Variants in SLC24A2 observed in about 807,000 individuals in gnomAD.
The protein encoded by SLC24A2 is sodium/potassium/calcium exchanger 2.
Under a neutral mutation model 62.0 loss-of-function variants are expected in SLC24A2, and 36 were observed. The ratio of observed to expected loss-of-function variants is 0.58; its 90% CI spans 0.44 to 0.77. The LOEUF (loss-of-function observed/expected upper bound fraction) is 0.77. Among genes scored for constraint, SLC24A2 ranks in the 30% least tolerant of loss-of-function variants. The probability of loss-of-function intolerance (pLI) is 0.00; values close to 1 mark genes in which losing one functional copy is unlikely to be tolerated. For synonymous variants in SLC24A2, 358 were observed against 294.0 expected (o/e 1.22, Z -2.23); for missense variants, 846 against 817.9 (o/e 1.03, Z -0.42).
In SLC24A2 at chr9:19,731,521, G is replaced by C. The variant is rs1392214803; in HGVS notation, c.930+54416C>G. ...TTTCTCTCTCTCTCTCTCTCCGTGT[G>C]TGTGTGTGTGTGTGTGTGTGTGCAT... On this transcript the variant is annotated intron_variant, in intron 2 of 10. Transcript: ENST00000341998. 6.4e-5 allele frequency among the ~76,000 whole-genome samples: 7 copies of C among 108,902 alleles called. No homozygotes were observed. In the East Asian group the frequency reaches 2.6e-3, roughly 41 times the overall value. The allele number at this position is 108,902 out of a possible 152,430, so 71.4% of individuals were successfully genotyped here.
Position 19,605,799 on chromosome 9 carries a change from C to T in SLC24A2, c.1079-8520G>A, listed in dbSNP as rs148031721. Among the ~76,000 whole-genome samples the T allele has an allele frequency of 1.8e-4, 28 of 152,324 alleles. No individual in the cohort carries two copies. The East Asian group carries it at 1.9e-3, about 10-fold the overall frequency. On this transcript the variant is annotated intron_variant, in intron 4 of 10. Coordinates refer to ENST00000341998, the MANE Select transcript of SLC24A2 (RefSeq NM_020344.4). ...TCCATTGAATACACTTAACAGCCCA[C>T]GACAGATACCATTATCTTTCCTATT... is the stretch of plus-strand genomic sequence containing the variant.
chr9:19,571,173 A>G (rs1221589051), intron 7 of SLC24A2, among the ~76,000 whole-genome samples: 1 of 152,158 alleles, frequency 6.6e-6, no homozygotes, highest in African/African-American at 2.4e-5. Flanking sequence ...TCCTGCTGCC[A>G]CACGCTGCTT....
At chr9:20,263,543 TC>T in the SLC24A2 span, among the ~76,000 whole-genome samples, 3 of 152,140 alleles carry the variant, frequency 2.0e-5, no homozygotes, top group South Asian at 6.2e-4. Context: ...AACCACTGCA[TC>T]CATCAGAGAA....
the SLC24A2 span, among the ~76,000 whole-genome samples, chr9:19,897,397 T>C: frequency 6.6e-6 from 1 of 152,146 alleles, no homozygotes; most frequent in African/African-American, 2.4e-5. Context: ...CTTTTAGACA[T>C]GTACTAAAAG....
chr9:19,712,163 C>A (rs1047288577), intron 2 of SLC24A2, among the ~76,000 whole-genome samples: 1 of 152,170 alleles, frequency 6.6e-6, no homozygotes, highest in East Asian at 1.9e-4. Flanking sequence ...TGAGGTCAGT[C>A]AGTTCCACGT....
chr9:19,715,511 C>T (rs924445029), intron 2 of SLC24A2, among the ~76,000 whole-genome samples: 30 of 152,328 alleles, frequency 2.0e-4, no homozygotes, highest in African/African-American at 6.7e-4. Flanking sequence ...TTGGAATCAA[C>T]ATTATGGCTC....
At chr9:20,264,250 A>G in the SLC24A2 span, among the ~76,000 whole-genome samples, 1 of 152,208 alleles carries the variant, frequency 6.6e-6, no homozygotes, top group South Asian at 2.1e-4. Flanking sequence ...AGGTTAGCAT[A>G]AGTATCTACT....
chr9:20,267,238 T>C, the SLC24A2 span, among the ~76,000 whole-genome samples: 1 of 152,148 alleles, frequency 6.6e-6, no homozygotes, highest in Non-Finnish European at 1.5e-5. Flanking sequence ...CACAAAGATA[T>C]TTACATCATA....
chr9:20,242,901 C>A, the SLC24A2 span, among the ~76,000 whole-genome samples: 1 of 152,192 alleles, frequency 6.6e-6, no homozygotes, highest in African/African-American at 2.4e-5. Flanking sequence ...CCAGCCTGTT[C>A]TTCAGCCTTT....
intron 2 of SLC24A2, among the ~76,000 whole-genome samples, chr9:19,733,369 G>C (rs772616891): frequency 3.9e-5 from 6 of 152,158 alleles, no homozygotes; most frequent in Non-Finnish European, 5.9e-5. Flanking sequence ...TCACCAGCAA[G>C]ATGATCTTCT....
chr9:19,787,024 A>C lies in SLC24A2; in HGVS notation c.-153-5T>G, dbSNP rs1823196076. The stretch of plus-strand genomic sequence containing the variant: ...AGGAAACTTTCATCATTTATGCTTA[A>C]ATAAAAATAAAAACGAGAATAAGTA... On this transcript the variant is annotated splice_polypyrimidine_tract_variant and splice_region_variant and intron_variant, in intron 1 of 10. Transcript: ENST00000341998. The C allele has an allele frequency of 7.3e-7, 1 of 1,376,450 alleles. No individual in the cohort carries two copies. The highest frequency in any genetic ancestry group is 3.1e-5 in the Admixed American group (1 of 32,100). 85.3% of individuals were successfully genotyped at this position (1,376,450 alleles called of 1,614,324 possible).
intron 2 of SLC24A2, among the ~76,000 whole-genome samples, chr9:19,777,224 A>G (rs1298876711): frequency 6.6e-6 from 1 of 152,230 alleles, no homozygotes; most frequent in African/African-American, 2.4e-5. Flanking sequence ...AATCTATAAA[A>G]GAAAAATGTC....
intron 8 of SLC24A2, among the ~76,000 whole-genome samples, chr9:19,546,905 A>G (rs1834606204): frequency 6.6e-6 from 1 of 152,170 alleles, no homozygotes; most frequent in South Asian, 2.1e-4. Context: ...TCCTCATGGC[A>G]CAGTCCCTCA....
rs34321235 is a variant in SLC24A2, at chr9:19,706,379, C to CTTTTTTTTTTTTTTTTTT, written c.930+79540_930+79557dup. Among the ~76,000 whole-genome samples, 2 of 131,934 alleles carry CTTTTTTTTTTTTTTTTTT rather than the reference C, an allele frequency of 1.5e-5. 1 individual carries two copies. The allele number at this position is 131,934 out of a possible 152,430, so 86.6% of individuals were successfully genotyped here. Reference sequence around the variant, plus strand: ...CACAGCACACTGATGGGTCTTGAATCTTTTTTTTTTTTTTTTTTGAGACGG... The same window carrying CTTTTTTTTTTTTTTTTTT: ...CACAGCACACTGATGGGTCTTGAATCTTTTTTTTTTTTTTTTTTTTTTTTTTTTTTTTTTTTGAGACGG... On this transcript the variant is annotated intron_variant, in intron 2 of 10. Coordinates refer to ENST00000341998, the MANE Select transcript of SLC24A2 (RefSeq NM_020344.4).
the SLC24A2 span, among the ~76,000 whole-genome samples, chr9:19,894,499 G>T: frequency 6.6e-6 from 1 of 152,118 alleles, no homozygotes; most frequent in African/African-American, 2.4e-5. Flanking sequence ...TTGATGAAAC[G>T]GCCAATTTTG....
the SLC24A2 span, among the ~76,000 whole-genome samples, chr9:20,080,045 T>C: frequency 5.6e-4 from 85 of 152,290 alleles, no homozygotes; most frequent in Admixed American, 9.8e-4. Context: ...AAAATGGCCA[T>C]ACTGCCCAAG....
chr9:19,587,207 G>A (rs1262401307), intron 5 of SLC24A2, among the ~76,000 whole-genome samples: 1 of 152,122 alleles, frequency 6.6e-6, no homozygotes, highest in Non-Finnish European at 1.5e-5. Context: ...GGTGTTGAAA[G>A]ATTATGATGA....
At chr9:19,841,104 A>G in the SLC24A2 span, among the ~76,000 whole-genome samples, 3 of 152,162 alleles carry the variant, frequency 2.0e-5, no homozygotes, top group Non-Finnish European at 2.9e-5. Flanking sequence ...CCACTCAATA[A>G]ACACGTATTT....
At chr9:19,978,756 G>A in the SLC24A2 span, among the ~76,000 whole-genome samples, 1 of 152,116 alleles carries the variant, frequency 6.6e-6, no homozygotes, top group East Asian at 1.9e-4. Flanking sequence ...GAATTGAGGT[G>A]ATTGAAGAGA....
Sources: allele counts gnomAD v4.1 joint callset (sites outside exome capture counted in the v4.1 genomes callset), GRCh38; gene constraint gnomAD v4.1.1; transcripts MANE v1.5; gene names NCBI Gene and HGNC (gene_info 2026-07-23, HGNC 2026-07-21).